Variants in MAGI3 observed in about 807,000 individuals in gnomAD.
MAGI3 encodes membrane-associated guanylate kinase, WW and PDZ domain-containing protein 3.
Under a neutral mutation model 121.8 loss-of-function variants are expected in MAGI3, and 43 were observed. The ratio of observed to expected loss-of-function variants is 0.35; its 90% CI spans 0.28 to 0.46. The LOEUF (loss-of-function observed/expected upper bound fraction) is 0.46. Among genes scored for constraint, MAGI3 ranks in the 20% least tolerant of loss-of-function variants. MAGI3 has a pLI of 1.00. For missense variants in MAGI3, 1,547 were observed against 1,797.3 expected, an observed-to-expected ratio of 0.86 and a Z score of 2.52; for synonymous variants, 553 against 639.3, an observed-to-expected ratio of 0.86 and a Z score of 2.04.
intron 2 of MAGI3, among the ~76,000 whole-genome samples, chr1:113,560,796 GA>G (rs1405540347): frequency 6.6e-6 from 1 of 151,994 alleles, no homozygotes; most frequent in East Asian, 1.9e-4. Flanking sequence ...ACAGAGACAT[GA>G]AAAACCCTTC....
At chr1:113,583,484 A>G (rs1648164975) in intron 3 of MAGI3, among the ~76,000 whole-genome samples, 1 of 152,108 alleles carries the variant, frequency 6.6e-6, no homozygotes, top group Admixed American at 6.6e-5. Flanking sequence ...TTCTCGAGTT[A>G]GATAATAATT....
At chr1:113,494,467 A>G (rs1033190324) in intron 1 of MAGI3, among the ~76,000 whole-genome samples, 6 of 152,212 alleles carry the variant, frequency 3.9e-5, no homozygotes, top group Non-Finnish European at 7.4e-5. Flanking sequence ...CAAGTGTACT[A>G]TATAACAAAC....
At chr1:113,451,511 G>T (rs1654484105) in intron 1 of MAGI3, among the ~76,000 whole-genome samples, 1 of 152,128 alleles carries the variant, frequency 6.6e-6, no homozygotes, top group Non-Finnish European at 1.5e-5. Flanking sequence ...TACACCATAA[G>T]ACTCACTTTT....
Position 113,642,420 on chromosome 1 carries a change from C to G in MAGI3, c.1870C>G (p.His624Asp). ...AGGAGATATAATTAAGGAAATATAC[C>G]ATCAAAATGTGCAGAATTTAACACA... is the stretch of plus-strand genomic sequence containing the variant. ...QKGDIIKEIY[H>D]QNVQNLTHLQ... The change falls in exon 10 of 21, where the codon CAT (histidine) becomes GAT (aspartate). Residue 624 changes from histidine (H) to aspartate (D), a missense_variant. Transcript: ENST00000307546. 1 of 1,614,088 alleles carries G rather than the reference C, an allele frequency of 6.2e-7. No individual in the cohort carries two copies. Among genetic ancestry groups the G allele is most frequent in the African/African-American group, 1.3e-5 (1 of 75,012 alleles).
At chr1:113,641,798 A>G (rs1398446463) in intron 9 of MAGI3, 113 bp from the exon 10 acceptor site, 12 of 893,536 alleles carry the variant, frequency 1.3e-5, no homozygotes, top group African/African-American at 3.4e-5. Context: ...CAGTTAATAG[A>G]GGTTTCCAAA....
intron 19 of MAGI3, among the ~76,000 whole-genome samples, chr1:113,678,791 A>G (rs1648033043): frequency 6.6e-6 from 1 of 152,252 alleles, no homozygotes; most frequent in African/African-American, 2.4e-5. Context: ...GAGGTGGAGC[A>G]CAAGATGTGA....
At position 113,685,669 on chromosome 1, in the gene MAGI3, A is replaced by C. The variant is rs993063365; in HGVS notation, c.*1655A>C. ...TTCCCTGTAGTCCACAATTAGTGAT[A>C]ACGAATCCTATTTTTGTTAACTGTG... On this transcript the variant is annotated 3_prime_UTR_variant, in exon 21 of 21. Coordinates refer to ENST00000307546, the MANE Select transcript of MAGI3 (RefSeq NM_001142782.2). The C allele has an allele frequency of 6.6e-6, 1 of 152,356 alleles. No homozygotes were observed. Among genetic ancestry groups the C allele is most frequent in the Non-Finnish European group, 1.5e-5 (1 of 68,032 alleles). The allele number at this position is 152,356 out of a possible 1,614,324, so 9.4% of individuals were successfully genotyped here. A position where few individuals can be genotyped will look rare whatever the true frequency, so the allele number is the denominator to read the frequency against.
intron 2 of MAGI3, among the ~76,000 whole-genome samples, chr1:113,570,510 A>G (rs537062984): frequency 6.6e-6 from 1 of 152,186 alleles, no homozygotes; most frequent in African/African-American, 2.4e-5. Flanking sequence ...TCCCACTAAC[A>G]GTGTAAAAAC....
intron 1 of MAGI3, among the ~76,000 whole-genome samples, chr1:113,504,134 G>T (rs1657192495): frequency 6.6e-6 from 1 of 151,966 alleles, no homozygotes; most frequent in Admixed American, 6.6e-5. Context: ...TGGAAAGAAG[G>T]AACTTTGATA....
At chr1:113,443,191 T>C (rs1432057184) in intron 1 of MAGI3, among the ~76,000 whole-genome samples, 1 of 152,218 alleles carries the variant, frequency 6.6e-6, no homozygotes, top group African/African-American at 2.4e-5. Flanking sequence ...TTTACAGTAG[T>C]AATTTATACA....
intron 1 of MAGI3, among the ~76,000 whole-genome samples, chr1:113,488,845 G>T (rs1160593993): frequency 6.6e-6 from 1 of 152,074 alleles, no homozygotes; most frequent in Non-Finnish European, 1.5e-5. Flanking sequence ...GACAACTCCT[G>T]CTTGCAGGGC....
At chr1:113,640,646 G>T (rs1444434607) in intron 9 of MAGI3, among the ~76,000 whole-genome samples, 1 of 151,876 alleles carries the variant, frequency 6.6e-6, no homozygotes, top group Non-Finnish European at 1.5e-5. Context: ...ACCAAACGCT[G>T]CATGTTCTTA....
rs1570903017 is a variant in MAGI3, at chr1:113,391,508, G to T, written c.316+159G>T. Among the ~76,000 whole-genome samples, 1 of 152,212 alleles carries T rather than the reference G, an allele frequency of 6.6e-6. No individual in the cohort carries two copies. The highest frequency in any genetic ancestry group is 2.4e-5 in the African/African-American group (1 of 41,534). Reference sequence around the variant, plus strand: ...TTGACGAGGGGGAGGGGTGGCGTTGGTGAGTCCCATTTTGCCGAAGGGAAA... The same window carrying T: ...TTGACGAGGGGGAGGGGTGGCGTTGTTGAGTCCCATTTTGCCGAAGGGAAA... On this transcript the variant is annotated intron_variant, in intron 1 of 20. Transcript: ENST00000307546. This position sits in a 1 kb window ranked among gnomAD's most constrained non-coding sequence, Gnocchi z 4.4.
chr1:113,456,598 A>T (rs868604892), intron 1 of MAGI3, among the ~76,000 whole-genome samples: 1 of 152,238 alleles, frequency 6.6e-6, no homozygotes, highest in Admixed American at 6.5e-5. Flanking sequence ...TTATACATTG[A>T]ATTTAAAAAG....
At chr1:113,637,518 G>T (rs1005378902) in intron 9 of MAGI3, among the ~76,000 whole-genome samples, 7 of 152,144 alleles carry the variant, frequency 4.6e-5, no homozygotes, top group Non-Finnish European at 5.9e-5. Flanking sequence ...TGAAGTTCTG[G>T]GTTGATAATT....
intron 11 of MAGI3, among the ~76,000 whole-genome samples, chr1:113,645,104 A>G (rs1652761677): frequency 6.9e-6 from 1 of 145,152 alleles, no homozygotes; most frequent in Admixed American, 7.2e-5. Flanking sequence ...GGCTCACTGC[A>G]GCCTCTGCCG....
At chr1:113,461,624 G>C (rs376691962) in intron 1 of MAGI3, among the ~76,000 whole-genome samples, 49 of 152,156 alleles carry the variant, frequency 3.2e-4, no homozygotes, top group African/African-American at 1.1e-3. Flanking sequence ...AAAAACCCTG[G>C]AAGACAACCA....
At chr1:113,432,566 A>G (rs1014275699) in intron 1 of MAGI3, among the ~76,000 whole-genome samples, 1 of 151,774 alleles carries the variant, frequency 6.6e-6, no homozygotes, top group Non-Finnish European at 1.5e-5. Flanking sequence ...TTGGGTCTTT[A>G]TATGTTTCCG....
At chr1:113,543,554 C>A (rs1659389152) in intron 1 of MAGI3, among the ~76,000 whole-genome samples, 1 of 152,040 alleles carries the variant, frequency 6.6e-6, no homozygotes, top group South Asian at 2.1e-4. Context: ...TGGAGAGGGT[C>A]AAATGAATAG....
Sources: allele counts gnomAD v4.1 joint callset (sites outside exome capture counted in the v4.1 genomes callset), GRCh38; gene constraint gnomAD v4.1.1; non-coding constraint Gnocchi (gnomAD v3.1); transcripts MANE v1.5; gene names NCBI Gene and HGNC (gene_info 2026-07-23, HGNC 2026-07-21).